ARHGAP10: variants seen among roughly 807,000 people sequenced by gnomAD.
The protein encoded by ARHGAP10 is Rho GTPase activating protein 10.
In ARHGAP10, 87 loss-of-function variants were observed where a neutral mutation model predicts 108.6. The observed-to-expected ratio is 0.80, with a 90% CI of 0.67 to 0.96. ARHGAP10 has a LOEUF of 0.96. Among genes scored for constraint, ARHGAP10 ranks in the 40% least tolerant of loss-of-function variants. The pLI, the probability that ARHGAP10 is intolerant of heterozygous loss-of-function variation, is 0.00. For missense variants in ARHGAP10, 939 were observed against 954.5 expected (o/e 0.98, Z 0.21); for synonymous variants, 347 against 341.1 (o/e 1.02, Z -0.19).
intron 7 of ARHGAP10, among the ~76,000 whole-genome samples, chr4:147,873,722 A>ACACACACACT (rs775092505): frequency 6.2e-5 from 9 of 144,340 alleles, no homozygotes; most frequent in African/African-American, 1.8e-4. Flanking sequence ...ACACACACAC[A>ACACACACACT]CTCTTGGCCT....
intron 20 of ARHGAP10, 60 bp downstream of exon 20, chr4:148,047,111 A>C: frequency 2.5e-6 from 4 of 1,587,764 alleles, no homozygotes; most frequent in Non-Finnish European, 3.4e-6. Flanking sequence ...TGTTCATTTT[A>C]AAGTTTCCAT....
intron 19 of ARHGAP10, 99 bp from the exon 20 acceptor site, chr4:148,046,793 A>G: frequency 8.3e-7 from 1 of 1,201,542 alleles, no homozygotes; most frequent in Non-Finnish European, 1.2e-6. Context: ...ATGTAATTTT[A>G]TCATTTGATT....
At chr4:147,793,765 G>A (rs375177850) in intron 1 of ARHGAP10, among the ~76,000 whole-genome samples, 48 of 152,134 alleles carry the variant, frequency 3.2e-4, no homozygotes, top group Admixed American at 1.2e-3. Flanking sequence ...CAAATCATCC[G>A]TGCCTGTGTA....
intron 1 of ARHGAP10, among the ~76,000 whole-genome samples, chr4:147,733,029 C>G (rs990930326): frequency 1.3e-5 from 2 of 152,268 alleles, no homozygotes; most frequent in African/African-American, 4.8e-5. Context: ...GTCCACCTGG[C>G]TTTATGCTGC....
At chr4:147,854,565 C>A in intron 4 of ARHGAP10, 1 of 314,184 alleles carries the variant, frequency 3.2e-6, no homozygotes, top group Non-Finnish European at 4.6e-6. Flanking sequence ...TTGGATTACG[C>A]TGTTACATTT....
intron 10 of ARHGAP10, among the ~76,000 whole-genome samples, chr4:147,888,704 C>G (rs957470560): frequency 6.6e-6 from 1 of 152,180 alleles, no homozygotes; most frequent in Non-Finnish European, 1.5e-5. Flanking sequence ...AGAGAAACAT[C>G]TATTCTGGTT....
chr4:147,798,763 CTCTCTCTCTCTCTCTCTCTATATATA>C (rs1334305617), intron 1 of ARHGAP10, among the ~76,000 whole-genome samples: 49 of 15,168 alleles, frequency 3.2e-3, no homozygotes, highest in South Asian at 0.014. Flanking sequence ...CTCTCTCTCT[CTCTCTCTCTCTCTCTCTCTATATATA>C]TATATATATA....
chr4:147,901,545 C>G (rs1230354001), intron 10 of ARHGAP10, among the ~76,000 whole-genome samples: 1 of 152,198 alleles, frequency 6.6e-6, no homozygotes, highest in Non-Finnish European at 1.5e-5. Flanking sequence ...CAAATTTGTT[C>G]TCTGCTGGCT....
intron 18 of ARHGAP10, among the ~76,000 whole-genome samples, chr4:148,007,864 G>T (rs1741012918): frequency 6.6e-6 from 1 of 152,018 alleles, no homozygotes; most frequent in African/African-American, 2.4e-5. Context: ...TCCTTCAGTT[G>T]CATGACTTAG....
intron 18 of ARHGAP10, among the ~76,000 whole-genome samples, chr4:147,994,127 A>G (rs578206976): frequency 6.6e-6 from 1 of 152,334 alleles, no homozygotes; most frequent in Admixed American, 6.5e-5. Flanking sequence ...TGGTCTTTCT[A>G]CTGTCCCAAG....
chr4:148,010,765 G>A (rs1741139204), intron 18 of ARHGAP10, among the ~76,000 whole-genome samples: 1 of 152,098 alleles, frequency 6.6e-6, no homozygotes, highest in African/African-American at 2.4e-5. Context: ...GAAGACTATT[G>A]GGCTGAATCA....
chr4:147,863,654 A>T (rs1560797564), intron 5 of ARHGAP10: 1 of 152,216 alleles, frequency 6.6e-6, no homozygotes, highest in African/African-American at 2.4e-5. Context: ...TGAGGGAAAA[A>T]TTTATTTTAA....
chr4:147,805,745 T>TTACGGCAACAGTGAGCTATGATCACAC (rs1731755675), intron 1 of ARHGAP10, among the ~76,000 whole-genome samples: 1 of 152,178 alleles, frequency 6.6e-6, no homozygotes, highest in Non-Finnish European at 1.5e-5. Context: ...AGATCAGAGT[T>TTACGGCAACAGTGAGCTATGATCACAC]TACGGCAACA....
At chr4:147,856,109 C>T (rs984772569) in intron 4 of ARHGAP10, among the ~76,000 whole-genome samples, 1 of 152,182 alleles carries the variant, frequency 6.6e-6, no homozygotes. Flanking sequence ...GGTGTGCTCT[C>T]ATTGATACTC....
chr4:148,060,640 C>T (rs949323144), intron 20 of ARHGAP10, among the ~76,000 whole-genome samples: 45 of 152,280 alleles, frequency 3.0e-4, no homozygotes, highest in African/African-American at 1.0e-3. Flanking sequence ...TCTCCATAGA[C>T]ACTGTCTCCA....
chr4:147,785,632 T>A (rs1227522731), intron 1 of ARHGAP10, among the ~76,000 whole-genome samples: 1 of 152,152 alleles, frequency 6.6e-6, no homozygotes, highest in Admixed American at 6.6e-5. Flanking sequence ...CATTATCATG[T>A]CTGAGCTCTT....
At chr4:147,811,650 C>T (rs747533711) in intron 1 of ARHGAP10, among the ~76,000 whole-genome samples, 1 of 151,152 alleles carries the variant, frequency 6.6e-6, no homozygotes, top group African/African-American at 2.4e-5. Context: ...GGGGAGCTTA[C>T]CTTCTAAACA....
intron 3 of ARHGAP10, among the ~76,000 whole-genome samples, chr4:147,836,167 C>T (rs1733161673): frequency 6.6e-6 from 1 of 152,126 alleles, no homozygotes; most frequent in East Asian, 1.9e-4. Context: ...GCAAACACAC[C>T]CTAACATACT....
chr4:147,871,638 T>C (rs746317611), intron 7 of ARHGAP10, among the ~76,000 whole-genome samples: 1 of 152,214 alleles, frequency 6.6e-6, no homozygotes, highest in African/African-American at 2.4e-5. Context: ...TAAAGAACCA[T>C]GTAAATGCTC....
Sources: allele counts gnomAD v4.1 joint callset (sites outside exome capture counted in the v4.1 genomes callset), GRCh38; gene constraint gnomAD v4.1.1; transcripts MANE v1.5; gene names NCBI Gene and HGNC (gene_info 2026-07-23, HGNC 2026-07-21).